Variants in NRXN3 observed in about 807,000 individuals in gnomAD.
NRXN3 encodes the protein neurexin 3.
A neutral mutation model predicts 137.6 loss-of-function variants in NRXN3; 32 were observed. The ratio of observed to expected loss-of-function variants is 0.23; its 90% confidence interval spans 0.18 to 0.31. NRXN3 has a LOEUF of 0.31. Among genes scored for constraint, NRXN3 ranks in the 10% least tolerant of loss-of-function variants. The pLI is 1.00. For synonymous variants in NRXN3, 798 were observed against 784.5 expected, an observed-to-expected ratio of 1.02 and a Z score of -0.29; for missense variants, 1,574 against 2,062.5, an observed-to-expected ratio of 0.76 and a Z score of 4.59.
chr14:79,500,236 CAA>C (rs34976297), intron 16 of NRXN3, among the ~76,000 whole-genome samples: 3,574 of 88,420 alleles, frequency 0.04, 79 homozygotes, highest in African/African-American at 0.086. Flanking sequence ...AAAAAGAAGG[CAA>C]AAAAAAAAAA....
At chr14:78,901,382 A>T (rs1041259015) in intron 10 of NRXN3, among the ~76,000 whole-genome samples, 1 of 151,912 alleles carries the variant, frequency 6.6e-6, no homozygotes, top group Non-Finnish European at 1.5e-5. Context: ...ACATGTATGT[A>T]TTACCCCAAC....
At chr14:78,389,496 A>C (rs568068682) in intron 4 of NRXN3, among the ~76,000 whole-genome samples, 2 of 152,186 alleles carry the variant, frequency 1.3e-5, no homozygotes, top group Admixed American at 1.3e-4. Flanking sequence ...TTATCTTTGA[A>C]ATTTTTATCA....
At chr14:78,782,922 C>A (rs1313860883) in intron 8 of NRXN3, among the ~76,000 whole-genome samples, 1 of 152,122 alleles carries the variant, frequency 6.6e-6, no homozygotes, top group Non-Finnish European at 1.5e-5. Flanking sequence ...AATAAGAACA[C>A]AGTTGAGTTT....
chr14:78,629,709 A>G (rs957284168), intron 4 of NRXN3, among the ~76,000 whole-genome samples: 11 of 152,262 alleles, frequency 7.2e-5, no homozygotes, highest in African/African-American at 2.4e-4. Flanking sequence ...ATGGTGGTGT[A>G]CAATGATAAT....
At chr14:79,275,906 T>C (rs1014740610) in intron 15 of NRXN3, among the ~76,000 whole-genome samples, 1 of 152,232 alleles carries the variant, frequency 6.6e-6, no homozygotes, top group African/African-American at 2.4e-5. Flanking sequence ...TGGTTGTTCC[T>C]GTGAAATTAT....
chr14:79,142,492 C>A (rs931472246), intron 15 of NRXN3, among the ~76,000 whole-genome samples: 3 of 151,024 alleles, frequency 2.0e-5, no homozygotes, highest in African/African-American at 7.3e-5. Context: ...CTGAGGGGGA[C>A]ATTTGAGCAA....
chr14:79,799,689 C>T (rs764258019), intron 19 of NRXN3, among the ~76,000 whole-genome samples: 4 of 152,176 alleles, frequency 2.6e-5, no homozygotes, highest in Non-Finnish European at 4.4e-5. Flanking sequence ...CCAGCCCACC[C>T]GTCCTCACTT....
rs754110980 is a variant in NRXN3, at chr14:78,216,973, C to T, written c.-703-25418C>T. Among the ~76,000 whole-genome samples, 8 of 152,114 alleles carry T rather than the reference C, an allele frequency of 5.3e-5. No individual in the cohort carries two copies. The East Asian group carries it at 5.8e-4, about 11-fold the overall frequency. Reference sequence around the variant, plus strand: ...GACACTAGGGATTAGATTTGCAGCCCGGCCTACTCCAGTATGACCTCATCT... The same window carrying T: ...GACACTAGGGATTAGATTTGCAGCCTGGCCTACTCCAGTATGACCTCATCT... On this transcript the variant is annotated intron_variant, in intron 1 of 20. Coordinates refer to ENST00000335750, the MANE Select transcript of NRXN3 (RefSeq NM_001330195.2).
chr14:78,733,045 C>T (rs1371377083), intron 8 of NRXN3, among the ~76,000 whole-genome samples: 2 of 152,192 alleles, frequency 1.3e-5, no homozygotes, highest in Non-Finnish European at 2.9e-5. Context: ...TTTTTGGTTC[C>T]ATTCTTTGTA....
At position 78,999,212 on chromosome 14, in the gene NRXN3, T is replaced by A. The variant is rs551325049; in HGVS notation, c.3262+11071T>A. ...TGCATTTATGATTTTGCTACATGCC[T>A]ACGGAAGAAATGAAGGAACCTTGCA... On this transcript the variant is annotated intron_variant, in intron 15 of 20. Coordinates refer to ENST00000335750, the MANE Select transcript of NRXN3 (RefSeq NM_001330195.2). Among the ~76,000 whole-genome samples the A allele has an allele frequency of 4.6e-5, 7 of 152,286 alleles. No individual in the cohort carries two copies. The East Asian group carries it at 1.4e-3, about 29-fold the overall frequency.
chr14:79,343,295 C>T (rs775839112), intron 15 of NRXN3, among the ~76,000 whole-genome samples: 19 of 152,120 alleles, frequency 1.2e-4, no homozygotes, highest in African/African-American at 1.7e-4. Flanking sequence ...GGGCTTTTAT[C>T]GTCTTTGTTT....
chr14:78,871,644 T>G (rs1404722173), intron 10 of NRXN3, among the ~76,000 whole-genome samples: 1 of 152,132 alleles, frequency 6.6e-6, no homozygotes, highest in African/African-American at 2.4e-5. Flanking sequence ...TATCTCAGTC[T>G]ATAAGACTCA....
intron 4 of NRXN3, among the ~76,000 whole-genome samples, chr14:78,598,225 A>C (rs2097173670): frequency 6.6e-6 from 1 of 152,096 alleles, no homozygotes; most frequent in Non-Finnish European, 1.5e-5. Context: ...GTTGCCCTCT[A>C]GTGGCTAGAA....
At chr14:79,157,837 T>C (rs908449518) in intron 15 of NRXN3, among the ~76,000 whole-genome samples, 2 of 151,758 alleles carry the variant, frequency 1.3e-5, no homozygotes, top group Admixed American at 6.6e-5. Context: ...ACTTGAGAAA[T>C]ATTTTAGGCT....
At chr14:78,423,987 A>C (rs570456166) in intron 4 of NRXN3, among the ~76,000 whole-genome samples, 43 of 152,296 alleles carry the variant, frequency 2.8e-4, no homozygotes, top group African/African-American at 1.0e-3. Context: ...GAATTCCAGG[A>C]AAGTGGTTTA....
At chr14:79,589,064 G>A (rs2097782810) in intron 16 of NRXN3, among the ~76,000 whole-genome samples, 1 of 152,068 alleles carries the variant, frequency 6.6e-6, no homozygotes, top group Admixed American at 6.5e-5. Flanking sequence ...AGACTAGCCT[G>A]GGCAACATGG....
intron 4 of NRXN3, among the ~76,000 whole-genome samples, chr14:78,337,449 G>A (rs1480253034): frequency 2.0e-5 from 3 of 152,134 alleles, no homozygotes; most frequent in African/African-American, 7.2e-5. Context: ...GGAAGGTAAT[G>A]GGAACGGCAG....
intron 4 of NRXN3, among the ~76,000 whole-genome samples, chr14:78,520,773 G>C (rs1223916825): frequency 6.6e-6 from 1 of 152,166 alleles, no homozygotes; most frequent in Non-Finnish European, 1.5e-5. Context: ...TTACTGGATA[G>C]GTTGGAAGGT....
At chr14:78,428,910 C>T (rs1441584737) in intron 4 of NRXN3, among the ~76,000 whole-genome samples, 3 of 152,266 alleles carry the variant, frequency 2.0e-5, no homozygotes, top group African/African-American at 7.2e-5. Flanking sequence ...ACAGAAACAA[C>T]TAGAATAATG....
Sources: gnomAD v4.1 joint callset for allele counts (sites outside exome capture counted in the v4.1 genomes callset) on GRCh38, gnomAD v4.1.1 for gene constraint, MANE v1.5 for transcripts, NCBI Gene and HGNC (gene_info 2026-07-23, HGNC 2026-07-21) for gene names.